The following PKIA variants were observed in gnomAD, a reference collection of about 807,000 sequenced individuals.
PKIA encodes the protein PKI-alpha.
Under a neutral mutation model 7.6 loss-of-function variants are expected in PKIA, and 4 were observed. That is an observed-to-expected ratio of 0.52 (90% CI 0.26 to 1.20). PKIA has a LOEUF of 1.20. Among genes scored for constraint, PKIA ranks in the 50% most tolerant of loss-of-function variants. The pLI is 0.13. For missense variants in PKIA, 73 were observed against 86.2 expected, an observed-to-expected ratio of 0.85 and a Z score of 0.61; for synonymous variants, 21 against 30.7, an observed-to-expected ratio of 0.68 and a Z score of 1.04.
At chr8:78,586,991 G>A (rs1807963661) in intron 2 of PKIA, among the ~76,000 whole-genome samples, 1 of 152,066 alleles carries the variant, frequency 6.6e-6, no homozygotes. Context: ...TTATTCATAA[G>A]GCACTATTAA....
intron 1 of PKIA, among the ~76,000 whole-genome samples, chr8:78,522,689 A>C (rs1178743126): frequency 1.3e-5 from 2 of 151,966 alleles, no homozygotes; most frequent in Non-Finnish European, 2.9e-5. Flanking sequence ...AAAGTGCATC[A>C]TAGATGTCAG....
At chr8:78,571,049 T>C (rs975461642) in intron 1 of PKIA, among the ~76,000 whole-genome samples, 24 of 152,150 alleles carry the variant, frequency 1.6e-4, no homozygotes, top group African/African-American at 5.8e-4. Context: ...TAATAAAGGT[T>C]ACACTGAAGT....
rs944843876 is a variant in PKIA at position 78,602,277 on chromosome 8, C to T, written c.*456C>T. 4.6e-5 allele frequency: 8 copies of T among 173,590 alleles called. No homozygotes were observed. The highest frequency in any genetic ancestry group is 8.5e-5 in the Non-Finnish European group (7 of 82,450). The allele number at this position is 173,590 out of a possible 1,614,324, so 10.8% of individuals were successfully genotyped here. On this transcript the variant is annotated 3_prime_UTR_variant, in exon 4 of 4. Transcript: ENST00000396418. The stretch of plus-strand genomic sequence containing the variant: ...CCAGAAAGCACTGTTTTTAGCATTA[C>T]GTATCTGTGTGTTACTGCTGTGTTA...
chr8:78,555,879 C>T, intron 1 of PKIA, among the ~76,000 whole-genome samples: 1 of 151,986 alleles, frequency 6.6e-6, no homozygotes, highest in African/African-American at 2.4e-5. Context: ...AGGGACAAAT[C>T]AATAGCAATG....
chr8:78,592,649 T>G (rs933986293), intron 2 of PKIA, among the ~76,000 whole-genome samples: 2 of 152,244 alleles, frequency 1.3e-5, no homozygotes, highest in Admixed American at 1.3e-4. Context: ...TACTTGGGAG[T>G]GCACTAAATG....
At chr8:78,560,463 A>G (rs1807258795) in intron 1 of PKIA, among the ~76,000 whole-genome samples, 1 of 152,220 alleles carries the variant, frequency 6.6e-6, no homozygotes, top group African/African-American at 2.4e-5. Context: ...ATGTACTGGT[A>G]GCTCATTGAA....
intron 1 of PKIA, among the ~76,000 whole-genome samples, chr8:78,532,298 G>C (rs1023586654): frequency 2.0e-5 from 3 of 151,816 alleles, no homozygotes; most frequent in Admixed American, 2.0e-4. Flanking sequence ...TAGTAAGGTT[G>C]TAAATTAGGC....
chr8:78,524,497 T>G (rs2118335911), intron 1 of PKIA, among the ~76,000 whole-genome samples: 1 of 151,766 alleles, frequency 6.6e-6, no homozygotes, highest in South Asian at 2.1e-4. Flanking sequence ...AAAATGGGGC[T>G]GATGTTCTTA....
chr8:78,585,206 G>T (rs1375762537), intron 2 of PKIA, among the ~76,000 whole-genome samples: 1 of 151,698 alleles, frequency 6.6e-6, no homozygotes, highest in Non-Finnish European at 1.5e-5. Context: ...AATGTCTATT[G>T]ATTGATATAT....
intron 1 of PKIA, among the ~76,000 whole-genome samples, chr8:78,544,407 G>A (rs1166841875): frequency 1.3e-5 from 2 of 152,046 alleles, no homozygotes; most frequent in African/African-American, 4.8e-5. Flanking sequence ...ATCTACTTTG[G>A]GAAAGGCTGG....
intron 1 of PKIA, among the ~76,000 whole-genome samples, chr8:78,538,552 C>T (rs1357357805): frequency 6.6e-6 from 1 of 152,008 alleles, no homozygotes; most frequent in Non-Finnish European, 1.5e-5. Flanking sequence ...AAGACAACCA[C>T]TGCCATATTA....
intron 1 of PKIA, among the ~76,000 whole-genome samples, chr8:78,554,904 T>G (rs184314925): frequency 6.6e-6 from 1 of 152,208 alleles, no homozygotes; most frequent in African/African-American, 2.4e-5. Context: ...AATAAAAGAT[T>G]GTTTTAAATT....
At chr8:78,568,456 G>A (rs1225918524) in intron 1 of PKIA, among the ~76,000 whole-genome samples, 1 of 152,118 alleles carries the variant, frequency 6.6e-6, no homozygotes, top group Non-Finnish European at 1.5e-5. Context: ...ATAGACCACC[G>A]CAATTCTGGT....
intron 1 of PKIA, among the ~76,000 whole-genome samples, chr8:78,566,957 C>G (rs892160424): frequency 1.3e-5 from 2 of 152,054 alleles, no homozygotes; most frequent in African/African-American, 4.8e-5. Context: ...GAATTACCAA[C>G]CATTTTAGAA....
intron 1 of PKIA, among the ~76,000 whole-genome samples, chr8:78,540,308 T>A (rs1806647459): frequency 6.6e-6 from 1 of 152,090 alleles, no homozygotes; most frequent in Non-Finnish European, 1.5e-5. Flanking sequence ...GCTTTTGCTG[T>A]CTTCTCAAAA....
chr8:78,553,459 ATTC>A (rs1807039092), intron 1 of PKIA, among the ~76,000 whole-genome samples: 1 of 151,998 alleles, frequency 6.6e-6, no homozygotes, highest in Admixed American at 6.6e-5. Flanking sequence ...AAGTGGTGTC[ATTC>A]TTTTTTTCTC....
At chr8:78,568,636 T>C (rs1415628021) in intron 1 of PKIA, among the ~76,000 whole-genome samples, 1 of 152,160 alleles carries the variant, frequency 6.6e-6, no homozygotes, top group Non-Finnish European at 1.5e-5. Context: ...GTTTTCTTTT[T>C]GCCTCCCACA....
At chr8:78,521,205 C>T (rs1436643460) in intron 1 of PKIA, among the ~76,000 whole-genome samples, 1 of 152,066 alleles carries the variant, frequency 6.6e-6, no homozygotes, top group African/African-American at 2.4e-5. Context: ...GTGTAGTTTA[C>T]TTTGGAATAT....
chr8:78,580,282 T>G (rs1056294562), intron 2 of PKIA, among the ~76,000 whole-genome samples: 7 of 152,102 alleles, frequency 4.6e-5, no homozygotes, highest in Admixed American at 2.0e-4. Context: ...TAGGCTTAAT[T>G]ATTTAGCTGA....
Sources: gnomAD v4.1 joint callset for allele counts (sites outside exome capture counted in the v4.1 genomes callset) on GRCh38, gnomAD v4.1.1 for gene constraint, MANE v1.5 for transcripts, NCBI Gene and HGNC (gene_info 2026-07-23, HGNC 2026-07-21) for gene names.